Variants in CADM1 observed in about 807,000 individuals in gnomAD.
The protein encoded by CADM1 is cell adhesion molecule 1.
Under a neutral mutation model 53.1 loss-of-function variants are expected in CADM1, and 15 were observed. That is an observed-to-expected ratio of 0.28 (90% CI 0.19 to 0.44). The LOEUF (loss-of-function observed/expected upper bound fraction) is 0.44, where lower values mean the gene tolerates loss of function less well. Among genes scored for constraint, CADM1 ranks in the 20% least tolerant of loss-of-function variants. The pLI, the probability that CADM1 is intolerant of heterozygous loss-of-function variation, is 1.00. For missense variants in CADM1, 434 were observed against 611.3 expected (o/e 0.71, Z 3.06); for synonymous variants, 281 against 243.0 (o/e 1.16, Z -1.45).
At chr11:115,324,174 G>T (rs1591708836) in intron 1 of CADM1, among the ~76,000 whole-genome samples, 1 of 152,154 alleles carries the variant, frequency 6.6e-6, no homozygotes, top group Non-Finnish European at 1.5e-5. Context: ...AGATGCTAAT[G>T]AATGAAAATA....
At chr11:115,200,066 C>A (rs1940348050) in intron 8 of CADM1, among the ~76,000 whole-genome samples, 1 of 152,132 alleles carries the variant, frequency 6.6e-6, no homozygotes. Flanking sequence ...AAAATTAGAT[C>A]CCTTCTAAGG....
At chr11:115,322,555 T>G (rs1944851884) in intron 1 of CADM1, among the ~76,000 whole-genome samples, 1 of 152,190 alleles carries the variant, frequency 6.6e-6, no homozygotes, top group Non-Finnish European at 1.5e-5. Flanking sequence ...TATCCACTGA[T>G]AGTCACTTCT....
At chr11:115,183,523 C>CACTGCA (rs1219687462) in intron 10 of CADM1, among the ~76,000 whole-genome samples, 1 of 152,234 alleles carries the variant, frequency 6.6e-6, no homozygotes, top group Non-Finnish European at 1.5e-5. Context: ...GCAGAACCTT[C>CACTGCA]ACTGCAACTG....
intron 1 of CADM1, among the ~76,000 whole-genome samples, chr11:115,355,172 C>CT (rs1945832223): frequency 6.6e-6 from 1 of 152,098 alleles, no homozygotes; most frequent in African/African-American, 2.4e-5. Flanking sequence ...TTCACTGCAG[C>CT]GTTATTCACA....
At chr11:115,460,154 TA>T (rs1342749585) in intron 1 of CADM1, among the ~76,000 whole-genome samples, 1 of 152,042 alleles carries the variant, frequency 6.6e-6, no homozygotes, top group Non-Finnish European at 1.5e-5. Context: ...TAGGCTATCG[TA>T]AGCTTCTCAG....
intron 1 of CADM1, among the ~76,000 whole-genome samples, chr11:115,490,560 G>C (rs1949472670): frequency 6.6e-6 from 1 of 151,830 alleles, no homozygotes; most frequent in African/African-American, 2.4e-5. Context: ...CACCACGCCC[G>C]GCTAATTTTT....
intron 1 of CADM1, among the ~76,000 whole-genome samples, chr11:115,450,826 G>A (rs776665620): frequency 6.6e-6 from 1 of 152,144 alleles, no homozygotes; most frequent in East Asian, 1.9e-4. Context: ...TGCTCCTTAC[G>A]TTACCAATCA....
chr11:115,385,950 G>A (rs926595541), intron 1 of CADM1, among the ~76,000 whole-genome samples: 1 of 152,166 alleles, frequency 6.6e-6, no homozygotes, highest in Non-Finnish European at 1.5e-5. Context: ...TCCCTGCATT[G>A]GGATTTCCTG....
At chr11:115,380,780 C>A (rs1591763243) in intron 1 of CADM1, among the ~76,000 whole-genome samples, 3 of 152,066 alleles carry the variant, frequency 2.0e-5, no homozygotes, top group African/African-American at 7.2e-5. Flanking sequence ...CTCAGGCACT[C>A]ATTTTGGATG....
intron 8 of CADM1, among the ~76,000 whole-genome samples, chr11:115,207,497 G>A (rs1940753114): frequency 6.6e-6 from 1 of 151,950 alleles, no homozygotes. Flanking sequence ...CTGGAGTGAA[G>A]GATTAAGAGC....
intron 1 of CADM1, among the ~76,000 whole-genome samples, chr11:115,406,505 T>C (rs892341491): frequency 2.0e-5 from 3 of 148,332 alleles, no homozygotes; most frequent in African/African-American, 7.3e-5. Flanking sequence ...AAAATATTTA[T>C]AAATATTATA....
At chr11:115,379,488 C>T (rs1289019895) in intron 1 of CADM1, among the ~76,000 whole-genome samples, 1 of 152,174 alleles carries the variant, frequency 6.6e-6, no homozygotes, top group Admixed American at 6.5e-5. Flanking sequence ...GTGATACCAA[C>T]ATTTCCCACA....
intron 1 of CADM1, among the ~76,000 whole-genome samples, chr11:115,263,802 G>A (rs1030249071): frequency 6.6e-6 from 1 of 152,194 alleles, no homozygotes; most frequent in Non-Finnish European, 1.5e-5. Flanking sequence ...AATGAAAAGG[G>A]AAGAACAGAA....
chr11:115,248,072 A>G (rs935914079), intron 1 of CADM1, among the ~76,000 whole-genome samples: 9 of 152,208 alleles, frequency 5.9e-5, no homozygotes, highest in African/African-American at 2.2e-4. Flanking sequence ...ACCAAAGGTG[A>G]CCAGAGTCTT....
intron 1 of CADM1, among the ~76,000 whole-genome samples, chr11:115,429,690 A>T (rs1027720471): frequency 6.8e-5 from 6 of 88,352 alleles, no homozygotes; most frequent in Non-Finnish European, 1.1e-4. Context: ...TTTTAGAATA[A>T]TTTTCTTCAA....
At chr11:115,502,317 C>T (rs558618144) in intron 1 of CADM1, among the ~76,000 whole-genome samples, 105 of 149,910 alleles carry the variant, frequency 7.0e-4, no homozygotes, top group Non-Finnish European at 1.3e-3. Context: ...AGCTTTCCAC[C>T]GCCCCCCGGC....
chr11:115,227,612 A>T (rs965671943), intron 5 of CADM1, among the ~76,000 whole-genome samples: 3 of 152,216 alleles, frequency 2.0e-5, no homozygotes, highest in Admixed American at 2.0e-4. Context: ...ATAATATCTG[A>T]TCATTTCCGT....
At chr11:115,275,712 T>C (rs954098937) in intron 1 of CADM1, among the ~76,000 whole-genome samples, 2 of 152,170 alleles carry the variant, frequency 1.3e-5, no homozygotes, top group Non-Finnish European at 2.9e-5. Context: ...TGTATCTTAG[T>C]TAAAGGTTCA....
intron 1 of CADM1, among the ~76,000 whole-genome samples, chr11:115,410,609 G>T (rs955917873): frequency 2.6e-5 from 4 of 152,072 alleles, no homozygotes; most frequent in Non-Finnish European, 4.4e-5. Flanking sequence ...ATGACATACA[G>T]ATGACGGCAA....
Sources: gnomAD v4.1 joint callset for allele counts (sites outside exome capture counted in the v4.1 genomes callset) on GRCh38, gnomAD v4.1.1 for gene constraint, MANE v1.5 for transcripts, NCBI Gene and HGNC (gene_info 2026-07-23, HGNC 2026-07-21) for gene names.